Variants in GPC6 observed in about 807,000 individuals in gnomAD.
GPC6 encodes glypican 6.
Under a neutral mutation model 55.2 loss-of-function variants are expected in GPC6, and 14 were observed. That is an observed-to-expected ratio of 0.25 (90% CI 0.17 to 0.40). GPC6 has a LOEUF of 0.40. GPC6 is among the 10% of genes least tolerant of loss of function. The pLI is 1.00. For missense variants in GPC6, 641 were observed against 708.5 expected, an observed-to-expected ratio of 0.90 and a Z score of 1.08; for synonymous variants, 278 against 259.6, an observed-to-expected ratio of 1.07 and a Z score of -0.68.
At chr13:93,821,092 C>T (rs1281476572) in intron 2 of GPC6, among the ~76,000 whole-genome samples, 1 of 152,134 alleles carries the variant, frequency 6.6e-6, no homozygotes, top group Non-Finnish European at 1.5e-5. Flanking sequence ...TTTGACCTGC[C>T]ATGCTAAGGA....
chr13:94,025,749 A>G (rs1305736332), intron 3 of GPC6, among the ~76,000 whole-genome samples: 1 of 152,214 alleles, frequency 6.6e-6, no homozygotes, highest in African/African-American at 2.4e-5. Flanking sequence ...ATTAATCGAT[A>G]GGAAACCCTT....
In GPC6 at chr13:94,373,341, A is replaced by G. The variant is rs997552951; in HGVS notation, c.1153-9073A>G. The stretch of plus-strand genomic sequence containing the variant: ...AAAAAATTTAGAAGAATGTATAACT[A>G]GAATAACCAATACAGAGAAGTGCTT... On this transcript the variant is annotated intron_variant, in intron 6 of 8. Transcript: ENST00000377047. 2.0e-5 allele frequency among the ~76,000 whole-genome samples: 3 copies of G among 151,974 alleles called. No individual in the cohort carries two copies. In the East Asian group the frequency reaches 5.8e-4, roughly 29 times the overall value.
chr13:93,302,910 T>C lies in GPC6; in HGVS notation c.160+75294T>C, dbSNP rs1878730826. On this transcript the variant is annotated intron_variant, in intron 1 of 8. Coordinates refer to ENST00000377047, the MANE Select transcript of GPC6 (RefSeq NM_005708.5). ...TCCTAAGTAGCAGTCACCTCACTTC[T>C]ACTTAGGAGATTTGCAAACATAAGC... Among the ~76,000 whole-genome samples, 3 of 152,218 alleles carry C rather than the reference T, an allele frequency of 2.0e-5. No homozygotes were observed. The South Asian group carries it at 6.2e-4, about 32-fold the overall frequency.
At chr13:93,228,618 C>A (rs973169623) in intron 1 of GPC6, among the ~76,000 whole-genome samples, 2 of 152,160 alleles carry the variant, frequency 1.3e-5, no homozygotes, top group African/African-American at 4.8e-5. Context: ...GTGAATGAAA[C>A]GTGTCGGGGA....
intron 2 of GPC6, among the ~76,000 whole-genome samples, chr13:93,755,244 G>A (rs933792152): frequency 6.6e-6 from 1 of 152,138 alleles, no homozygotes. Context: ...GGTAGTGCAA[G>A]CTACCCTGAC....
chr13:93,488,675 G>A (rs903517318), intron 1 of GPC6, among the ~76,000 whole-genome samples: 1 of 152,184 alleles, frequency 6.6e-6, no homozygotes, highest in African/African-American at 2.4e-5. Context: ...ACTGGTGTGA[G>A]ATGGTATCTC....
chr13:93,321,803 C>A lies in GPC6; in HGVS notation c.160+94187C>A, dbSNP rs116098145. Among the ~76,000 whole-genome samples the A allele has an allele frequency of 6.9e-3, 1,051 of 152,196 alleles. 14 individuals carry two copies. The highest frequency in any genetic ancestry group is 0.024 in the African/African-American group (1,012 of 41,522). The stretch of plus-strand genomic sequence containing the variant: ...AGACTAGACAACAAAATACAAGTTG[C>A]CCCTGATCTTTTACCAAGAATTCTC... On this transcript the variant is annotated intron_variant, in intron 1 of 8. Transcript: ENST00000377047.
chr13:93,686,141 T>C (rs765060517), intron 2 of GPC6, among the ~76,000 whole-genome samples: 1 of 152,144 alleles, frequency 6.6e-6, no homozygotes, highest in Non-Finnish European at 1.5e-5. Flanking sequence ...TGAGTACAAA[T>C]CTTTATATCC....
intron 2 of GPC6, among the ~76,000 whole-genome samples, chr13:93,592,067 G>T (rs1167368281): frequency 6.6e-6 from 1 of 152,092 alleles, no homozygotes; most frequent in African/African-American, 2.4e-5. Flanking sequence ...TGTATTAACT[G>T]CATTCAGTTA....
At chr13:93,640,973 G>C (rs1457550313) in intron 2 of GPC6, among the ~76,000 whole-genome samples, 1 of 150,144 alleles carries the variant, frequency 6.7e-6, no homozygotes, top group African/African-American at 2.5e-5. Context: ...TTTGAATCCT[G>C]TGTGTTCATT....
chr13:93,995,154 A>G (rs1170164461), intron 3 of GPC6, among the ~76,000 whole-genome samples: 4 of 146,506 alleles, frequency 2.7e-5, no homozygotes, highest in African/African-American at 1.0e-4. Context: ...AGCACCCTGT[A>G]CTTCAACTAT....
intron 4 of GPC6, among the ~76,000 whole-genome samples, chr13:94,063,102 A>G (rs183646001): frequency 5.5e-4 from 84 of 152,280 alleles, no homozygotes; most frequent in Non-Finnish European, 8.5e-4. Context: ...CACTCCAGAG[A>G]TGAATACTTA....
At chr13:94,190,179 C>T (rs1349310049) in intron 4 of GPC6, among the ~76,000 whole-genome samples, 2 of 151,810 alleles carry the variant, frequency 1.3e-5, no homozygotes, top group Non-Finnish European at 2.9e-5. Context: ...AAAAATTAGC[C>T]AGGCATGGTG....
At chr13:94,240,436 A>G (rs544535810) in intron 4 of GPC6, among the ~76,000 whole-genome samples, 13 of 152,180 alleles carry the variant, frequency 8.5e-5, no homozygotes, top group African/African-American at 2.6e-4. Context: ...GAGACACTCA[A>G]TGGCCTTAAG....
At chr13:93,280,332 T>C (rs1009567991) in intron 1 of GPC6, among the ~76,000 whole-genome samples, 3 of 152,226 alleles carry the variant, frequency 2.0e-5, no homozygotes, top group African/African-American at 7.2e-5. Flanking sequence ...CTCCTTTCTG[T>C]AGGTTTTTAC....
chr13:93,488,143 C>T (rs111492338), intron 1 of GPC6, among the ~76,000 whole-genome samples: 1 of 152,104 alleles, frequency 6.6e-6, no homozygotes, highest in African/African-American at 2.4e-5. Flanking sequence ...CAACAGGCCC[C>T]GGTGTGTGAT....
Position 93,290,921 on chromosome 13 carries a change from T to G in GPC6, c.160+63305T>G, listed in dbSNP as rs182812928. On this transcript the variant is annotated intron_variant, in intron 1 of 8. Coordinates refer to ENST00000377047, the MANE Select transcript of GPC6 (RefSeq NM_005708.5). ...TTAAAAAGTGTATTCAATATTATGG[T>G]TAGAGCCTGGTTAATGTCTCATAAT... Among the ~76,000 whole-genome samples, 21 of 152,294 alleles carry G rather than the reference T, an allele frequency of 1.4e-4. No homozygotes were observed. In the East Asian group the frequency reaches 1.7e-3, roughly 13 times the overall value.
At chr13:94,294,766 T>C (rs4526887) in intron 5 of GPC6, among the ~76,000 whole-genome samples, 2,886 of 152,324 alleles carry the variant, frequency 0.019, 78 homozygotes, top group African/African-American at 0.064. Context: ...AATATATTTT[T>C]GTTCCAGTAT....
At chr13:93,803,600 T>G (rs1016836528) in intron 2 of GPC6, among the ~76,000 whole-genome samples, 2 of 152,052 alleles carry the variant, frequency 1.3e-5, no homozygotes, top group African/African-American at 4.8e-5. Flanking sequence ...CTAAAAGAAA[T>G]AAAGGCATAC....
Sources: allele counts gnomAD v4.1 joint callset (sites outside exome capture counted in the v4.1 genomes callset), GRCh38; gene constraint gnomAD v4.1.1; transcripts MANE v1.5; gene names NCBI Gene and HGNC (gene_info 2026-07-23, HGNC 2026-07-21).